Variants in SYNJ2 observed in about 807,000 individuals in gnomAD.
SYNJ2 encodes the protein synaptojanin 2.
In SYNJ2, 116 loss-of-function variants were observed where a neutral mutation model predicts 141.3. The ratio of observed to expected loss-of-function variants is 0.82; its 90% CI spans 0.71 to 0.96. SYNJ2 has a LOEUF of 0.96. Among genes scored for constraint, SYNJ2 ranks in the 40% least tolerant of loss-of-function variants. The probability of loss-of-function intolerance (pLI) is 0.00; values close to 1 mark genes in which losing one functional copy is unlikely to be tolerated. For missense variants in SYNJ2, 1,873 were observed against 1,934.8 expected, an observed-to-expected ratio of 0.97 and a Z score of 0.60; for synonymous variants, 745 against 777.7, an observed-to-expected ratio of 0.96 and a Z score of 0.70.
intron 1 of SYNJ2, among the ~76,000 whole-genome samples, chr6:158,002,791 C>T (rs994762213): frequency 6.6e-6 from 1 of 152,264 alleles, no homozygotes; most frequent in Non-Finnish European, 1.5e-5. Flanking sequence ...GCCTGTTCTG[C>T]CTCATCCTGA....
chr6:158,091,841 A>G (rs35719497), intron 25 of SYNJ2, among the ~76,000 whole-genome samples: 2,623 of 152,224 alleles, frequency 0.017, 71 homozygotes, highest in African/African-American at 0.06. Context: ...AGAAAGAAAA[A>G]AAGGCCACAT....
At chr6:157,993,710 CT>C (rs34971762) in intron 1 of SYNJ2, among the ~76,000 whole-genome samples, 4,871 of 40,364 alleles carry the variant, frequency 0.12, 136 homozygotes, top group Non-Finnish European at 0.14. Flanking sequence ...TCTTGCATAG[CT>C]TTTTTTTTTT....
Position 158,059,194 on chromosome 6 carries a change from A to G in SYNJ2, c.858-63A>G, listed in dbSNP as rs1781049559. 4 of 1,446,930 alleles carry G rather than the reference A, an allele frequency of 2.8e-6. No homozygotes were observed. In the African/African-American group the frequency reaches 5.6e-5, roughly 20 times the overall value. The allele number at this position is 1,446,930 out of a possible 1,614,324, so 89.6% of individuals were successfully genotyped here. The stretch of plus-strand genomic sequence containing the variant: ...TGCCCCGTCTTCCCTTGAGGGGCAG[A>G]ACAGGGCAGAGTCTGCACCTGTGCC... On this transcript the variant is annotated intron_variant, in intron 6 of 26. Coordinates refer to ENST00000355585, the MANE Select transcript of SYNJ2 (RefSeq NM_003898.4).
chr6:158,041,319 C>T (rs761284589), intron 4 of SYNJ2, among the ~76,000 whole-genome samples: 23 of 152,252 alleles, frequency 1.5e-4, no homozygotes, highest in Non-Finnish European at 2.5e-4. Flanking sequence ...GTCAAAATGA[C>T]ATCTGTGAGG....
At chr6:158,012,097 G>A (rs1325162410) in intron 1 of SYNJ2, among the ~76,000 whole-genome samples, 1 of 152,108 alleles carries the variant, frequency 6.6e-6, no homozygotes, top group East Asian at 1.9e-4. Flanking sequence ...CCTCCCAGGA[G>A]GGCCCTGTAG....
intron 5 of SYNJ2, among the ~76,000 whole-genome samples, chr6:158,053,127 G>A (rs934669306): frequency 6.6e-6 from 1 of 152,188 alleles, no homozygotes; most frequent in African/African-American, 2.4e-5. Flanking sequence ...CACATTCAGT[G>A]TATGGATCCC....
chr6:157,991,980 A>T (rs1251080528), intron 1 of SYNJ2, among the ~76,000 whole-genome samples: 1 of 152,204 alleles, frequency 6.6e-6, no homozygotes, highest in African/African-American at 2.4e-5. Flanking sequence ...ATGACTTTTT[A>T]AAATTTTTAT....
At chr6:158,082,903 T>A (rs1782789994) in intron 20 of SYNJ2, among the ~76,000 whole-genome samples, 1 of 151,774 alleles carries the variant, frequency 6.6e-6, no homozygotes, top group South Asian at 2.1e-4. Flanking sequence ...TGGCTTTAAA[T>A]CTGTACCAAA....
chr6:157,983,076 G>GC (rs1453523244), intron 1 of SYNJ2, among the ~76,000 whole-genome samples: 1 of 152,242 alleles, frequency 6.6e-6, no homozygotes, highest in East Asian at 1.9e-4. Flanking sequence ...ACAAGGTGCA[G>GC]CCCGGGGTCA....
chr6:158,026,313 A>G (rs1779043938), intron 2 of SYNJ2, among the ~76,000 whole-genome samples: 1 of 152,178 alleles, frequency 6.6e-6, no homozygotes, highest in Non-Finnish European at 1.5e-5. Flanking sequence ...TAGAAAGTGG[A>G]TTTGGATCCC....
chr6:158,093,211 G>A lies in SYNJ2; in HGVS notation c.3744+107G>A, dbSNP rs976882363. 2.2e-5 allele frequency: 28 copies of A among 1,245,586 alleles called. 1 individual carries two copies. Among genetic ancestry groups the A allele is most frequent in the African/African-American group, 1.2e-4 (8 of 64,668 alleles). The allele number at this position is 1,245,586 out of a possible 1,614,324, so 77.2% of individuals were successfully genotyped here. On this transcript the variant is annotated intron_variant, in intron 26 of 26. Coordinates refer to ENST00000355585, the MANE Select transcript of SYNJ2 (RefSeq NM_003898.4). ...AGCACATTGGGAAGCCGAGGCAAGC[G>A]GATTACGAGGTCAGGAGTTCAAGAC...
At position 158,074,521 on chromosome 6, in the gene SYNJ2, C is replaced by T. The variant is rs1583469104; in HGVS notation, c.2134-59C>T. The T allele has an allele frequency of 3.7e-5, 57 of 1,554,974 alleles. No homozygotes were observed. The East Asian group carries it at 1.3e-3, about 35-fold the overall frequency. On this transcript the variant is annotated intron_variant, in intron 15 of 26. Transcript: ENST00000355585. ...TTGCCCCAGTGAGCTTGTTTTTCTC[C>T]TCTCTCCCACCTTCCTTGCAAGATG... is the stretch of plus-strand genomic sequence containing the variant.
rs138634523 is a variant in SYNJ2, at chr6:158,070,377, T to C, written c.1940+704T>C. 934 of 985,502 alleles carry C rather than the reference T, an allele frequency of 9.5e-4. 4 individuals carry two copies. The African/African-American group carries it at 0.015, about 15-fold the overall frequency. 61.0% of individuals were successfully genotyped at this position (985,502 alleles called of 1,614,324 possible). On this transcript the variant is annotated intron_variant, in intron 14 of 26. Coordinates refer to ENST00000355585, the MANE Select transcript of SYNJ2 (RefSeq NM_003898.4). The surrounding 1 kb of genome is among the most constrained non-coding windows in gnomAD (Gnocchi z 4.0). ...GCCAAGAGCACCACGGGTACACCCCTGCAGCACCTGGAGACTAAGACTATG... is the reference window on the plus strand; with the variant it reads ...GCCAAGAGCACCACGGGTACACCCCCGCAGCACCTGGAGACTAAGACTATG...
intron 5 of SYNJ2, among the ~76,000 whole-genome samples, chr6:158,044,418 A>T (rs186620589): frequency 9.8e-5 from 15 of 152,286 alleles, no homozygotes; most frequent in Admixed American, 2.6e-4. Context: ...GAGATGGATG[A>T]ATGGAGGTCT....
chr6:157,984,777 G>A (rs985726897), intron 1 of SYNJ2, among the ~76,000 whole-genome samples: 17 of 152,352 alleles, frequency 1.1e-4, no homozygotes, highest in Admixed American at 3.3e-4. Context: ...GGCAGCTGGC[G>A]TAGCTGGTGG....
intron 4 of SYNJ2, among the ~76,000 whole-genome samples, chr6:158,034,175 G>T (rs751979317): frequency 6.6e-6 from 1 of 152,126 alleles, no homozygotes; most frequent in Non-Finnish European, 1.5e-5. Context: ...GCTCCCATCC[G>T]TTCCCCTAGA....
intron 1 of SYNJ2, among the ~76,000 whole-genome samples, chr6:158,000,720 C>T (rs564981596): frequency 6.6e-6 from 1 of 152,102 alleles, no homozygotes; most frequent in Non-Finnish European, 1.5e-5. Flanking sequence ...CTGACCTACC[C>T]GCACCGCACT....
intron 5 of SYNJ2, among the ~76,000 whole-genome samples, chr6:158,047,131 A>G (rs1472930188): frequency 6.6e-6 from 1 of 152,174 alleles, no homozygotes; most frequent in Non-Finnish European, 1.5e-5. Flanking sequence ...GGCTTGTAGT[A>G]TAACAGTTTC....
chr6:158,017,394 C>A, intron 2 of SYNJ2, 104 bp downstream of exon 2: 46 of 1,024,850 alleles, frequency 4.5e-5, no homozygotes, highest in Middle Eastern at 3.4e-4. Flanking sequence ...GACCGCTCTT[C>A]TCTCTCTCTT....
Sources: gnomAD v4.1 joint callset for allele counts (sites outside exome capture counted in the v4.1 genomes callset) on GRCh38, gnomAD v4.1.1 for gene constraint, Gnocchi (gnomAD v3.1) non-coding constraint, MANE v1.5 for transcripts, NCBI Gene and HGNC (gene_info 2026-07-23, HGNC 2026-07-21) for gene names.